Variants in LRRC4C observed in about 807,000 individuals in gnomAD.
The protein encoded by LRRC4C is leucine rich repeat containing 4C.
A neutral mutation model predicts 33.6 loss-of-function variants in LRRC4C; 5 were observed. The observed-to-expected ratio is 0.15, with a 90% CI of 0.08 to 0.31. The LOEUF is 0.31. Among genes scored for constraint, LRRC4C ranks in the 10% least tolerant of loss-of-function variants. LRRC4C has a pLI of 1.00. For missense variants in LRRC4C, 560 were observed against 796.7 expected (o/e 0.70, Z 3.58); for synonymous variants, 329 against 302.0 (o/e 1.09, Z -0.93).
At chr11:41,069,905 A>G (rs1390534427) in intron 1 of LRRC4C, among the ~76,000 whole-genome samples, 1 of 152,152 alleles carries the variant, frequency 6.6e-6, no homozygotes, top group Non-Finnish European at 1.5e-5. Flanking sequence ...TCACAGAATT[A>G]GAAAAAAATT....
intron 2 of LRRC4C, among the ~76,000 whole-genome samples, chr11:40,832,108 G>T (rs1952441353): frequency 1.3e-5 from 2 of 152,014 alleles, no homozygotes; most frequent in African/African-American, 4.8e-5. Context: ...CACCCCCCAG[G>T]CTATATGGTA....
At chr11:40,441,241 T>C (rs1951379920) in intron 3 of LRRC4C, among the ~76,000 whole-genome samples, 2 of 152,136 alleles carry the variant, frequency 1.3e-5, no homozygotes, top group South Asian at 2.1e-4. Context: ...GAAGGACAGG[T>C]TGTAGATATT....
intron 1 of LRRC4C, among the ~76,000 whole-genome samples, chr11:41,349,790 G>A (rs1179907058): frequency 2.0e-5 from 3 of 151,974 alleles, no homozygotes; most frequent in East Asian, 1.9e-4. Flanking sequence ...GCCACACTAG[G>A]TCCCCAGCAA....
At chr11:40,170,924 C>A (rs1329343437) in intron 5 of LRRC4C, among the ~76,000 whole-genome samples, 1 of 152,200 alleles carries the variant, frequency 6.6e-6, no homozygotes, top group Non-Finnish European at 1.5e-5. Context: ...CTTTTACACG[C>A]TAATAAATTC....
In LRRC4C at chr11:40,984,290, A is replaced by G. The variant is rs116177380; in HGVS notation, c.-495-50567T>C. Among the ~76,000 whole-genome samples, 1,061 of 148,354 alleles carry G rather than the reference A, an allele frequency of 7.2e-3. 13 individuals are homozygous for G. The highest frequency in any genetic ancestry group is 0.025 in the African/African-American group (1,016 of 40,030). On this transcript the variant is annotated intron_variant, in intron 1 of 6. Transcript: ENST00000528697. ...AAAGAAAGAAGGAAGGGAGAGAGGG[A>G]GAGAGAGAGAGAGAAGGAAAGAAAG... is the stretch of plus-strand genomic sequence containing the variant.
intron 3 of LRRC4C, among the ~76,000 whole-genome samples, chr11:40,421,998 T>A (rs1355791059): frequency 2.0e-5 from 3 of 152,258 alleles, no homozygotes; most frequent in African/African-American, 4.8e-5. Flanking sequence ...TTTCAGTGAT[T>A]GTCCTAGTTC....
chr11:40,602,580 G>A (rs906113608), intron 3 of LRRC4C, among the ~76,000 whole-genome samples: 25 of 152,086 alleles, frequency 1.6e-4, no homozygotes, highest in Admixed American at 1.5e-3. Flanking sequence ...GAAAGAAAAT[G>A]AGAGGGAGAA....
At chr11:41,227,783 T>A (rs1460469980) in intron 1 of LRRC4C, among the ~76,000 whole-genome samples, 1 of 152,140 alleles carries the variant, frequency 6.6e-6, no homozygotes, top group East Asian at 1.9e-4. Context: ...AAGCCATTAT[T>A]CTTTAGTTGG....
chr11:40,551,728 T>G (rs1221126129), intron 3 of LRRC4C, among the ~76,000 whole-genome samples: 1 of 152,220 alleles, frequency 6.6e-6, no homozygotes, highest in Admixed American at 6.5e-5. Context: ...GAATATAAGT[T>G]CCACAAATTG....
intron 1 of LRRC4C, among the ~76,000 whole-genome samples, chr11:41,433,262 A>G (rs911241380): frequency 6.6e-6 from 1 of 152,198 alleles, no homozygotes; most frequent in East Asian, 1.9e-4. Context: ...AATAACCACT[A>G]CCAAAGCATA....
At position 40,846,536 on chromosome 11, in the gene LRRC4C, T is replaced by C. The variant is rs1204295233; in HGVS notation, c.-407+87099A>G. Among the ~76,000 whole-genome samples, 3 of 152,232 alleles carry C rather than the reference T, an allele frequency of 2.0e-5. No homozygotes were observed. The East Asian group carries it at 5.8e-4, about 29-fold the overall frequency. Reference sequence around the variant, plus strand: ...GCCTCTGTTCTGTTCCACTGGTCTATATATCTGTTGTGGTACCAGTTCCAT... The same window carrying C: ...GCCTCTGTTCTGTTCCACTGGTCTACATATCTGTTGTGGTACCAGTTCCAT... On this transcript the variant is annotated intron_variant, in intron 2 of 6. Transcript: ENST00000528697.
At chr11:40,772,445 C>T (rs1252803836) in intron 2 of LRRC4C, among the ~76,000 whole-genome samples, 2 of 152,076 alleles carry the variant, frequency 1.3e-5, no homozygotes, top group Admixed American at 1.3e-4. Context: ...ATCACTACCA[C>T]CTGACAACAG....
At chr11:40,758,831 A>G (rs1190758338) in intron 2 of LRRC4C, among the ~76,000 whole-genome samples, 1 of 151,998 alleles carries the variant, frequency 6.6e-6, no homozygotes, top group Non-Finnish European at 1.5e-5. Context: ...AAAATTATTT[A>G]TCAAATTCCC....
chr11:40,155,025 A>G (rs1858567504), intron 5 of LRRC4C, among the ~76,000 whole-genome samples: 1 of 152,184 alleles, frequency 6.6e-6, no homozygotes, highest in Non-Finnish European at 1.5e-5. Flanking sequence ...ACAGTGGAAT[A>G]AAACTGGAAA....
At chr11:40,904,402 T>C (rs1371913568) in intron 2 of LRRC4C, among the ~76,000 whole-genome samples, 2 of 150,910 alleles carry the variant, frequency 1.3e-5, no homozygotes, top group Non-Finnish European at 2.9e-5. Flanking sequence ...GCTGGCAAAA[T>C]ATTTTTTTTT....
At chr11:40,927,547 T>C (rs1957452941) in intron 2 of LRRC4C, among the ~76,000 whole-genome samples, 2 of 152,164 alleles carry the variant, frequency 1.3e-5, no homozygotes, top group African/African-American at 2.4e-5. Context: ...AGAATAGCTA[T>C]GTGTTTCTAG....
At position 40,783,270 on chromosome 11, in the gene LRRC4C, GTTTTATTTTA is replaced by G. The variant is rs140877222; in HGVS notation, c.-406-135002_-406-134993del. 7.2e-3 allele frequency among the ~76,000 whole-genome samples: 1,081 copies of G among 150,390 alleles called. 4 individuals carry two copies. The highest frequency in any genetic ancestry group is 0.012 in the Non-Finnish European group (833 of 67,756). ...GAGATTATTTGGCTAAGTGAGCACT[GTTTTATTTTA>G]TTTTATTTTATTTTATTTTATTTTT... is the stretch of plus-strand genomic sequence containing the variant. On this transcript the variant is annotated intron_variant, in intron 2 of 6. Transcript: ENST00000528697.
chr11:41,172,351 G>T (rs1945012548), intron 1 of LRRC4C, among the ~76,000 whole-genome samples: 2 of 152,086 alleles, frequency 1.3e-5, no homozygotes, highest in African/African-American at 4.8e-5. Context: ...CCTGACCTTT[G>T]TATACCACAA....
At chr11:40,637,551 C>A (rs1324856731) in intron 3 of LRRC4C, among the ~76,000 whole-genome samples, 1 of 152,182 alleles carries the variant, frequency 6.6e-6, no homozygotes, top group Non-Finnish European at 1.5e-5. Flanking sequence ...CACTCCAAAT[C>A]TCTCATTCCT....
Sources: gnomAD v4.1 joint callset for allele counts (sites outside exome capture counted in the v4.1 genomes callset) on GRCh38, gnomAD v4.1.1 for gene constraint, MANE v1.5 for transcripts, NCBI Gene and HGNC (gene_info 2026-07-23, HGNC 2026-07-21) for gene names.